Variants in ZNF529 observed in about 807,000 individuals in gnomAD.
ZNF529 encodes zinc finger protein 529.
In ZNF529, 11 loss-of-function variants were observed where a neutral mutation model predicts 10.1. That is an observed-to-expected ratio of 1.09 (90% CI 0.69 to 1.81). The LOEUF (loss-of-function observed/expected upper bound fraction) is 1.81. Ranked by LOEUF, ZNF529 falls within the 40% of genes most tolerant of loss-of-function variation. The pLI is 0.00. For missense variants in ZNF529, 624 were observed against 666.8 expected, an observed-to-expected ratio of 0.94 and a Z score of 0.71; for synonymous variants, 204 against 215.7, an observed-to-expected ratio of 0.95 and a Z score of 0.47.
chr19:36,580,160 T>A (rs1476159257), intron 2 of ZNF529: 3 of 152,168 alleles, frequency 2.0e-5, no homozygotes, highest in African/African-American at 7.2e-5. Flanking sequence ...TGGAATGTCG[T>A]CTTCAGGATT....
At chr19:36,570,228 G>A (rs2036049068) in intron 2 of ZNF529, among the ~76,000 whole-genome samples, 1 of 151,856 alleles carries the variant, frequency 6.6e-6, no homozygotes, top group Admixed American at 6.6e-5. Flanking sequence ...GGGTGTTGTG[G>A]TGTGTGCCTG....
intron 2 of ZNF529, among the ~76,000 whole-genome samples, chr19:36,584,409 T>A (rs1053649548): frequency 3.3e-5 from 5 of 152,314 alleles, no homozygotes; most frequent in Middle Eastern, 3.4e-3. Context: ...GGATTCTGTT[T>A]ACTAAGTAAT....
At chr19:36,573,448 G>C (rs2036224649), upstream of ZNF529, 1 of 470,978 alleles carries the variant, frequency 2.1e-6, no homozygotes, top group Admixed American at 2.3e-5. Flanking sequence ...CGGGTGCGCA[G>C]ACCCTTGCCA....
Position 36,548,295 on chromosome 19 carries a change from T to C in ZNF529, c.263A>G (p.His88Arg). Residue 88 changes from histidine (H) to arginine (R), a missense_variant, in exon 5 of 5, where the codon CAT becomes CGT. Coordinates refer to ENST00000591340, the MANE Select transcript of ZNF529 (RefSeq NM_020951.5). ...AATAATATCTTTTCCTACAGATAAATGCTTAGTCTCATTCCTGGACTCCAA... is the reference window on the plus strand; with the variant it reads ...AATAATATCTTTTCCTACAGATAAACGCTTAGTCTCATTCCTGGACTCCAA... ...LDLESRNETK[H>R]LSVGKDIIQN... The C allele has an allele frequency of 6.3e-7, 1 of 1,589,102 alleles. No individual in the cohort carries two copies. The highest frequency in any genetic ancestry group is 2.2e-5 in the East Asian group (1 of 44,508).
chr19:36,563,315 C>T (rs1194699748), intron 2 of ZNF529, among the ~76,000 whole-genome samples: 4 of 151,566 alleles, frequency 2.6e-5, no homozygotes, highest in African/African-American at 9.7e-5. Context: ...CCTAGCTACT[C>T]GGGAGGCTGA....
At chr19:36,574,645 T>C (rs2036269104), upstream of ZNF529, among the ~76,000 whole-genome samples, 1 of 152,188 alleles carries the variant, frequency 6.6e-6, no homozygotes, top group Non-Finnish European at 1.5e-5. Context: ...TAGTTCTGAT[T>C]TGTGTCACTG....
At position 36,548,357 on chromosome 19, in the gene ZNF529, C is replaced by T. The variant is rs1568574333; in HGVS notation, c.236-35G>A. 3 of 1,472,392 alleles carry T rather than the reference C, an allele frequency of 2.0e-6. No homozygotes were observed. The African/African-American group carries it at 4.3e-5, about 21-fold the overall frequency. The allele number at this position is 1,472,392 out of a possible 1,614,324, so 91.2% of individuals were successfully genotyped here. A position where few individuals can be genotyped will look rare whatever the true frequency, so the allele number is the denominator to read the frequency against. On this transcript the variant is annotated intron_variant, in intron 4 of 4. Transcript: ENST00000591340. Reference sequence around the variant, plus strand: ...AGGAAAAAATAATTTTCATGTACTACAAAAATAAAACAGTTATAGAAAGAA... The same window carrying T: ...AGGAAAAAATAATTTTCATGTACTATAAAAATAAAACAGTTATAGAAAGAA...
chr19:36,596,237 C>T (rs2036838803), intron 1 of ZNF529, among the ~76,000 whole-genome samples: 1 of 151,532 alleles, frequency 6.6e-6, no homozygotes, highest in African/African-American at 2.4e-5. Context: ...CCACACCTGG[C>T]TAATTTTTAT....
At chr19:36,552,187 T>C (rs1169099496) in intron 4 of ZNF529, among the ~76,000 whole-genome samples, 2 of 152,068 alleles carry the variant, frequency 1.3e-5, no homozygotes, top group Middle Eastern at 3.2e-3. Context: ...TCCCACCACT[T>C]TGGGAGGCCA....
At chr19:36,560,303 T>G (rs976103593) in intron 2 of ZNF529, among the ~76,000 whole-genome samples, 10 of 151,026 alleles carry the variant, frequency 6.6e-5, no homozygotes, top group African/African-American at 2.4e-4. Context: ...CAGTTTTATG[T>G]AATTATAAAA....
At chr19:36,576,238 A>G (rs1187595403), upstream of ZNF529, among the ~76,000 whole-genome samples, 1 of 152,198 alleles carries the variant, frequency 6.6e-6, no homozygotes, top group East Asian at 1.9e-4. Context: ...GCAAATTATA[A>G]AAGCTATGGC....
rs193004972 is a variant in ZNF529 at position 36,598,435 on chromosome 19, C to T, written c.-128+6691G>A. Among the ~76,000 whole-genome samples, 23 of 151,954 alleles carry T rather than the reference C, an allele frequency of 1.5e-4. No individual in the cohort carries two copies. The East Asian group carries it at 1.9e-3, about 13-fold the overall frequency. On this transcript the variant is annotated intron_variant, in intron 1 of 4. Transcript: ENST00000585960. Reference sequence around the variant, plus strand: ...GCTGAGGTAGGAGGGTAGCTTGAGCCCAGGAGTTTGAGGCTACAGTGTGCC... The same window carrying T: ...GCTGAGGTAGGAGGGTAGCTTGAGCTCAGGAGTTTGAGGCTACAGTGTGCC...
intron 2 of ZNF529, among the ~76,000 whole-genome samples, chr19:36,579,662 A>G (rs2036420183): frequency 6.6e-6 from 1 of 152,230 alleles, no homozygotes; most frequent in South Asian, 2.1e-4. Flanking sequence ...CAGTAAAAAT[A>G]CTGTATAAAA....
intron 2 of ZNF529, among the ~76,000 whole-genome samples, chr19:36,588,278 C>T (rs1323161343): frequency 6.6e-6 from 1 of 152,062 alleles, no homozygotes; most frequent in Non-Finnish European, 1.5e-5. Context: ...TGTCTCATGC[C>T]TTAAGGGATT....
intron 1 of ZNF529, among the ~76,000 whole-genome samples, chr19:36,600,417 C>T: frequency 6.6e-6 from 1 of 152,136 alleles, no homozygotes; most frequent in Non-Finnish European, 1.5e-5. Flanking sequence ...TATAATTTAG[C>T]AATTCATTGT....
rs139160763 is a variant in ZNF529, at chr19:36,578,839, C to G, written c.-41+10776G>C. 9.6e-3 allele frequency among the ~76,000 whole-genome samples: 1,454 copies of G among 151,408 alleles called. 17 individuals carry two copies. Among genetic ancestry groups the G allele is most frequent in the African/African-American group, 0.032 (1,336 of 41,354 alleles). The stretch of plus-strand genomic sequence containing the variant: ...TCTCGAACTCCTGACTTCAAGTGAT[C>G]TGCCAGCCTTGGCCTCCCAAAGTGC... On this transcript the variant is annotated intron_variant, in intron 2 of 4. Coordinates refer to the ZNF529 transcript ENST00000585960.
At chr19:36,593,965 A>G (rs1046925532) in intron 1 of ZNF529, 2 of 152,136 alleles carry the variant, frequency 1.3e-5, no homozygotes, top group Non-Finnish European at 2.9e-5. Context: ...GAAACCCTGC[A>G]CCCACAAGGA....
At chr19:36,592,835 T>C (rs999423248) in intron 1 of ZNF529, among the ~76,000 whole-genome samples, 2 of 152,112 alleles carry the variant, frequency 1.3e-5, no homozygotes, top group Non-Finnish European at 1.5e-5. Flanking sequence ...TTATTCATAT[T>C]AGTTGAATAA....
intron 2 of ZNF529, among the ~76,000 whole-genome samples, chr19:36,562,316 A>G (rs2035734255): frequency 6.6e-6 from 1 of 152,158 alleles, no homozygotes; most frequent in African/African-American, 2.4e-5. Context: ...CTAGAGAGCA[A>G]TTTGCCTCAG....
Sources: gnomAD v4.1 joint callset for allele counts (sites outside exome capture counted in the v4.1 genomes callset) on GRCh38, gnomAD v4.1.1 for gene constraint, MANE v1.5 for transcripts, NCBI Gene and HGNC (gene_info 2026-07-23, HGNC 2026-07-21) for gene names.